METTL25: variants seen among roughly 807,000 people sequenced by gnomAD.
The protein encoded by METTL25 is probable methyltransferase-like protein 25.
In METTL25, 64 loss-of-function variants were observed where a neutral mutation model predicts 71.6. The observed-to-expected ratio is 0.89, with a 90% CI of 0.73 to 1.10. The LOEUF (loss-of-function observed/expected upper bound fraction) is 1.10, where lower values mean the gene tolerates loss of function less well. Ranked by LOEUF, METTL25 falls within the 50% of genes least tolerant of loss-of-function variation. METTL25 has a pLI of 0.00. For missense variants in METTL25, 807 were observed against 707.0 expected (o/e 1.14, Z -1.60); for synonymous variants, 287 against 250.3 (o/e 1.15, Z -1.38).
intron 8 of METTL25, among the ~76,000 whole-genome samples, chr12:82,454,763 T>C (rs1035079684): frequency 2.0e-5 from 3 of 151,994 alleles, no homozygotes; most frequent in East Asian, 1.9e-4. Flanking sequence ...TATTCTCTCT[T>C]ACACTTACAA....
At chr12:82,411,916 T>G (rs1887585234) in intron 5 of METTL25, among the ~76,000 whole-genome samples, 1 of 152,140 alleles carries the variant, frequency 6.6e-6, no homozygotes, top group Non-Finnish European at 1.5e-5. Flanking sequence ...AATAAAGAAT[T>G]ATTTAACTTT....
chr12:82,400,142 C>T (rs192744436), intron 4 of METTL25, among the ~76,000 whole-genome samples: 2 of 151,786 alleles, frequency 1.3e-5, no homozygotes, highest in African/African-American at 4.8e-5. Context: ...GCTAACATAG[C>T]GAAACCCCAT....
At chr12:82,469,991 G>C (rs1256447231) in intron 9 of METTL25, among the ~76,000 whole-genome samples, 2 of 152,134 alleles carry the variant, frequency 1.3e-5, no homozygotes, top group African/African-American at 4.8e-5. Context: ...GATCATTGCA[G>C]AGTTCCCTCT....
intron 3 of METTL25, among the ~76,000 whole-genome samples, chr12:82,390,347 T>C (rs1387558413): frequency 6.6e-6 from 1 of 152,088 alleles, no homozygotes; most frequent in South Asian, 2.1e-4. Context: ...AAAGTAGTTA[T>C]GTTTTTAAGA....
intron 5 of METTL25, among the ~76,000 whole-genome samples, chr12:82,411,997 C>G (rs540387550): frequency 1.3e-5 from 2 of 152,040 alleles, no homozygotes; most frequent in South Asian, 4.1e-4. Flanking sequence ...GATCTTTAAC[C>G]ACAAAGCATA....
chr12:82,424,102 C>T (rs1211254304), intron 5 of METTL25, among the ~76,000 whole-genome samples: 2 of 151,796 alleles, frequency 1.3e-5, no homozygotes, highest in Non-Finnish European at 2.9e-5. Context: ...TTTATTGCAG[C>T]ACTACTCACA....
intron 1 of METTL25, among the ~76,000 whole-genome samples, chr12:82,378,625 G>C (rs1202492967): frequency 1.3e-5 from 2 of 152,092 alleles, no homozygotes; most frequent in Non-Finnish European, 2.9e-5. Flanking sequence ...TTTTAAGAGA[G>C]GGATATAACT....
chr12:82,362,091 C>T (rs1289909405), intron 1 of METTL25, among the ~76,000 whole-genome samples: 3 of 152,224 alleles, frequency 2.0e-5, no homozygotes, highest in Non-Finnish European at 2.9e-5. Context: ...TTTTATGGAA[C>T]AAAGTTTTTT....
chr12:82,400,247 G>A (rs1886482787), intron 4 of METTL25, among the ~76,000 whole-genome samples: 1 of 151,880 alleles, frequency 6.6e-6, no homozygotes, highest in South Asian at 2.1e-4. Context: ...CAGGAGAATG[G>A]CATGAACCCT....
Position 82,386,953 on chromosome 12 carries a change from A to G in METTL25, c.410A>G (p.Gln137Arg), listed in dbSNP as rs1458799543. 1 of 1,612,460 alleles carries G rather than the reference A, an allele frequency of 6.2e-7. No individual in the cohort carries two copies. Among genetic ancestry groups the G allele is most frequent in the Admixed American group, 1.7e-5 (1 of 59,848 alleles). The change falls in exon 2 of 12, where the codon CAA becomes CGA. Residue 137 changes from glutamine (Q) to arginine (R), a missense_variant. Gln to Arg is a conservative substitution (Grantham distance 43). Transcript: ENST00000248306. ...EQLLVALRGNQNQRIGENQKA... is the reference protein window; with the variant it reads ...EQLLVALRGNRNQRIGENQKA... ...TTGCTTGTAGCCCTTCGAGGAAATCAAAACCAGAGAATTGGTATGTCTATT... is the reference window on the plus strand; with the variant it reads ...TTGCTTGTAGCCCTTCGAGGAAATCGAAACCAGAGAATTGGTATGTCTATT...
intron 1 of METTL25, among the ~76,000 whole-genome samples, chr12:82,381,787 A>G (rs768438510): frequency 2.3e-4 from 35 of 152,272 alleles, no homozygotes; most frequent in Non-Finnish European, 4.1e-4. Context: ...TTAAGTTTGC[A>G]TTGAATAAAA....
chr12:82,428,144 C>G (rs768588004), intron 5 of METTL25, among the ~76,000 whole-genome samples: 1 of 151,858 alleles, frequency 6.6e-6, no homozygotes, highest in Non-Finnish European at 1.5e-5. Flanking sequence ...ACATACCCCC[C>G]CATCCCTTTT....
intron 8 of METTL25, among the ~76,000 whole-genome samples, chr12:82,455,595 G>A (rs1891433618): frequency 6.6e-6 from 1 of 151,950 alleles, no homozygotes; most frequent in Non-Finnish European, 1.5e-5. Context: ...ATGTAGAAGA[G>A]AGTGGGGAAC....
Position 82,398,777 on chromosome 12 carries a change from C to T in METTL25, c.532-18C>T, listed in dbSNP as rs749672363. ...TTTGCCTAAAATTCTTTAATTTATT[C>T]TTTTTTTCTAATCTTAGGTGATTGA... On this transcript the variant is annotated intron_variant, in intron 3 of 11. Transcript: ENST00000248306. 1 of 1,416,404 alleles carries T rather than the reference C, an allele frequency of 7.1e-7. No individual in the cohort carries two copies. Among genetic ancestry groups the T allele is most frequent in the African/African-American group, 1.5e-5 (1 of 68,866 alleles). 87.7% of individuals were successfully genotyped at this position (1,416,404 alleles called of 1,614,324 possible).
At chr12:82,442,277 A>C (rs1592731144) in intron 8 of METTL25, among the ~76,000 whole-genome samples, 1 of 152,300 alleles carries the variant, frequency 6.6e-6, no homozygotes, top group East Asian at 1.9e-4. Context: ...AAAAACTTGT[A>C]CAGAAATGTT....
chr12:82,431,456 A>C (rs1315064873), intron 6 of METTL25, among the ~76,000 whole-genome samples: 1 of 151,676 alleles, frequency 6.6e-6, no homozygotes, highest in Non-Finnish European at 1.5e-5. Context: ...GAAATGAGTT[A>C]AATAATGTAA....
At chr12:82,410,520 G>A (rs1592675990) in intron 5 of METTL25, among the ~76,000 whole-genome samples, 1 of 152,114 alleles carries the variant, frequency 6.6e-6, no homozygotes, top group South Asian at 2.1e-4. Context: ...GTTTCCAGCA[G>A]TGTGAGAGAT....
At chr12:82,367,057 T>C (rs867604681) in intron 1 of METTL25, among the ~76,000 whole-genome samples, 1 of 152,194 alleles carries the variant, frequency 6.6e-6, no homozygotes, top group Non-Finnish European at 1.5e-5. Flanking sequence ...AATAAAACTA[T>C]TTAGAACTTA....
chr12:82,395,235 C>G (rs1239035445), intron 3 of METTL25, among the ~76,000 whole-genome samples: 1 of 151,966 alleles, frequency 6.6e-6, no homozygotes, highest in Non-Finnish European at 1.5e-5. Flanking sequence ...GCAGGAGCAT[C>G]CAGAGTTGAA....
Sources: allele counts gnomAD v4.1 joint callset (sites outside exome capture counted in the v4.1 genomes callset), GRCh38; gene constraint gnomAD v4.1.1; transcripts MANE v1.5; gene names NCBI Gene and HGNC (gene_info 2026-07-23, HGNC 2026-07-21).